ZNF540: variants seen among roughly 807,000 people sequenced by gnomAD.
ZNF540 encodes the protein zinc finger protein 540.
In ZNF540, 3 loss-of-function variants were observed where a neutral mutation model predicts 11.8. The observed-to-expected ratio is 0.25, with a 90% confidence interval of 0.12 to 0.65. The LOEUF is 0.65. ZNF540 is among the 30% of genes least tolerant of loss of function. The probability of loss-of-function intolerance (pLI) is 0.83; values close to 1 mark genes in which losing one functional copy is unlikely to be tolerated. For synonymous variants in ZNF540, 247 were observed against 259.0 expected (o/e 0.95, Z 0.45); for missense variants, 709 against 793.1 (o/e 0.89, Z 1.27).
At chr19:37,599,572 T>C in intron 2 of ZNF540, 54 bp from the exon 3 acceptor site, 1 of 1,611,034 alleles carries the variant, frequency 6.2e-7, no homozygotes, top group Non-Finnish European at 8.5e-7. Flanking sequence ...TTTTCTTCTT[T>C]TTAAAATACT....
intron 4 of ZNF540, among the ~76,000 whole-genome samples, chr19:37,603,040 T>C (rs2044052574): frequency 1.4e-5 from 2 of 141,304 alleles, no homozygotes; most frequent in South Asian, 4.8e-4. Context: ...AGAGTTTTGC[T>C]CTTGTTGCCT....
chr19:37,597,031 C>G lies in ZNF540; in HGVS notation c.-72-1345C>G, dbSNP rs191401061. Reference sequence around the variant, plus strand: ...TAGTTGGAGAATTGTGGATTCAGAACTCAGATGTCTTGTTTATTAACAGTG... The same window carrying G: ...TAGTTGGAGAATTGTGGATTCAGAAGTCAGATGTCTTGTTTATTAACAGTG... On this transcript the variant is annotated intron_variant, in intron 1 of 4. Transcript: ENST00000316433. Among the ~76,000 whole-genome samples, 163 of 151,672 alleles carry G rather than the reference C, an allele frequency of 1.1e-3. No individual in the cohort carries two copies. In the Middle Eastern group the frequency reaches 0.014, roughly 13 times the overall value.
intron 1 of ZNF540, among the ~76,000 whole-genome samples, chr19:37,581,227 T>G (rs895880542): frequency 2.0e-5 from 3 of 152,190 alleles, no homozygotes; most frequent in African/African-American, 4.8e-5. Context: ...CCAAACATCA[T>G]GTTTCCTACC....
intron 1 of ZNF540, among the ~76,000 whole-genome samples, chr19:37,576,655 CAA>C (rs1486481003): frequency 1.3e-5 from 2 of 151,970 alleles, no homozygotes; most frequent in African/African-American, 4.8e-5. Flanking sequence ...AGATTATAAA[CAA>C]AGTTATACCT....
intron 1 of ZNF540, among the ~76,000 whole-genome samples, chr19:37,552,490 CATTT>C (rs1187956497): frequency 6.6e-6 from 1 of 152,040 alleles, no homozygotes; most frequent in Non-Finnish European, 1.5e-5. Context: ...ATTCTGAGTT[CATTT>C]ATTTTTATTT....
intron 1 of ZNF540, among the ~76,000 whole-genome samples, chr19:37,573,216 C>T (rs1187622181): frequency 1.3e-5 from 2 of 152,040 alleles, no homozygotes; most frequent in Non-Finnish European, 2.9e-5. Context: ...ATAACACAGC[C>T]TAACAAACAC....
At chr19:37,598,297 A>G (rs2044011695) in intron 1 of ZNF540, 79 bp from the exon 2 acceptor site, 1 of 727,138 alleles carries the variant, frequency 1.4e-6, no homozygotes, top group Non-Finnish European at 2.3e-6. Flanking sequence ...GGAAAATAAA[A>G]GATTATTAAT....
chr19:37,553,911 G>T (rs1040939571), intron 1 of ZNF540, among the ~76,000 whole-genome samples: 1 of 152,130 alleles, frequency 6.6e-6, no homozygotes, highest in Admixed American at 6.5e-5. Flanking sequence ...TAACTTTTCT[G>T]TTAATTTCCA....
chr19:37,565,282 C>CAGGTGGTAAGTAAGTTGTGAG (rs1219640563), intron 1 of ZNF540: 1 of 1,611,136 alleles, frequency 6.2e-7, no homozygotes, highest in East Asian at 2.2e-5. Flanking sequence ...AATGAACTCT[C>CAGGTGGTAAGTAAGTTGTGAG]AGGTGGTAAG....
At position 37,612,426 on chromosome 19, in the gene ZNF540, T is replaced by C. The variant is rs1164707658; in HGVS notation, c.1146T>C (p.Pro382=). 1 of 1,613,508 alleles carries C rather than the reference T, an allele frequency of 6.2e-7. No homozygotes were observed. The highest frequency in any genetic ancestry group is 1.3e-5 in the African/African-American group (1 of 74,746). Residue 382 remains proline (P), a synonymous_variant, in exon 5 of 5, where the codon CCT becomes CCC. Coordinates refer to ENST00000316433, the MANE Select transcript of ZNF540 (RefSeq NM_001172225.3). The part of the protein sequence containing the change: ...EHRRTHAGKK[P]YECKECGKSF... ...GAAGAACTCATGCAGGTAAGAAACCTTATGAATGTAAGGAGTGTGGGAAAT... is the reference window on the plus strand; with the variant it reads ...GAAGAACTCATGCAGGTAAGAAACCCTATGAATGTAAGGAGTGTGGGAAAT...
chr19:37,584,035 G>A (rs1354028043), intron 1 of ZNF540: 1 of 1,614,072 alleles, frequency 6.2e-7, no homozygotes. Flanking sequence ...TCTGAGCAGG[G>A]TCCAGGCATT....
intron 1 of ZNF540, chr19:37,585,518 G>A (rs2043639873): frequency 6.6e-6 from 1 of 152,182 alleles, no homozygotes; most frequent in Non-Finnish European, 1.5e-5. Context: ...GCAATGACCT[G>A]AGACTGCACA....
intron 2 of ZNF540, 61 bp from the exon 3 acceptor site, chr19:37,599,565 T>C: frequency 6.2e-7 from 1 of 1,607,378 alleles, no homozygotes; most frequent in Non-Finnish European, 8.5e-7. Flanking sequence ...TATCTCCTTT[T>C]CTTCTTTTTA....
At chr19:37,561,945 CAG>C (rs1360370883) in intron 1 of ZNF540, among the ~76,000 whole-genome samples, 1 of 152,172 alleles carries the variant, frequency 6.6e-6, no homozygotes, top group Non-Finnish European at 1.5e-5. Flanking sequence ...ACTGATTATT[CAG>C]AGTTCTAATG....
chr19:37,599,243 A>G (rs2044020486), intron 2 of ZNF540, among the ~76,000 whole-genome samples: 1 of 152,220 alleles, frequency 6.6e-6, no homozygotes, highest in Non-Finnish European at 1.5e-5. Context: ...TTTTTTATGT[A>G]TTAAGTGGTT....
chr19:37,588,941 TGTAATCCC>T (rs2043777213), intron 1 of ZNF540, among the ~76,000 whole-genome samples: 1 of 152,114 alleles, frequency 6.6e-6, no homozygotes, highest in South Asian at 2.1e-4. Flanking sequence ...GGCTCATGCC[TGTAATCCC>T]AGCACTTTGG....
rs112813977 is a variant in ZNF540 at position 37,578,856 on chromosome 19, T to C, written c.-72-19520T>C. Among the ~76,000 whole-genome samples the C allele has an allele frequency of 8.0e-3, 1,223 of 152,334 alleles. 13 individuals carry two copies. Among genetic ancestry groups the C allele is most frequent in the African/African-American group, 0.028 (1,155 of 41,594 alleles). ...TAAACTCTGGTGGCCTGAGGTTCTG[T>C]GTTCCTCTGGGGCAGAACTCCCAGA... On this transcript the variant is annotated intron_variant, in intron 1 of 4. Transcript: ENST00000592533.
intron 1 of ZNF540, chr19:37,585,608 T>C (rs2043644007): frequency 6.6e-6 from 1 of 152,218 alleles, no homozygotes; most frequent in Non-Finnish European, 1.5e-5. Context: ...TCGGCGGTCT[T>C]TGAACACTAG....
chr19:37,564,949 T>C, intron 1 of ZNF540: 2 of 1,613,860 alleles, frequency 1.2e-6, no homozygotes, highest in Non-Finnish European at 1.7e-6. Context: ...TATGAATTCT[T>C]TGATGATATG....
Sources: allele counts gnomAD v4.1 joint callset (sites outside exome capture counted in the v4.1 genomes callset), GRCh38; gene constraint gnomAD v4.1.1; transcripts MANE v1.5; gene names NCBI Gene and HGNC (gene_info 2026-07-23, HGNC 2026-07-21).